ZFHX3: variants seen among roughly 807,000 people sequenced by gnomAD.
ZFHX3 encodes the protein zinc finger homeobox 3.
A neutral mutation model predicts 279.1 loss-of-function variants in ZFHX3; 42 were observed. The observed-to-expected ratio is 0.15, with a 90% CI of 0.12 to 0.19. The LOEUF is 0.19. ZFHX3 is among the 10% of genes least tolerant of loss of function. The probability of loss-of-function intolerance (pLI) is 1.00; values close to 1 mark genes in which losing one functional copy is unlikely to be tolerated. For missense variants in ZFHX3, 4,981 were observed against 4,754.0 expected (o/e 1.05, Z -1.40); for synonymous variants, 2,293 against 1,957.8 (o/e 1.17, Z -4.52).
intron 2 of ZFHX3, among the ~76,000 whole-genome samples, chr16:73,560,633 T>G (rs1438889149): frequency 6.6e-6 from 1 of 152,058 alleles, no homozygotes. Context: ...GCGAAGGGAG[T>G]GGCCCAGACT....
chr16:73,411,011 A>G (rs896148027), intron 3 of ZFHX3, among the ~76,000 whole-genome samples: 2 of 152,220 alleles, frequency 1.3e-5, no homozygotes, highest in Non-Finnish European at 2.9e-5. Flanking sequence ...GCTCTGATAC[A>G]TAAGATGGAT....
chr16:73,652,255 C>G (rs944242269), intron 2 of ZFHX3, among the ~76,000 whole-genome samples: 5 of 152,138 alleles, frequency 3.3e-5, no homozygotes, highest in South Asian at 2.1e-4. Flanking sequence ...TGCTACCACT[C>G]GTACCAAGGA....
In ZFHX3 at chr16:72,797,912, G is replaced by A. The variant is rs1384345604; in HGVS notation, c.4770C>T (p.Ser1590=). Residue 1590 remains serine, a synonymous_variant, in exon 9 of 10, where the codon AGC becomes AGT. Coordinates refer to ENST00000268489, the MANE Select transcript of ZFHX3 (RefSeq NM_006885.4). ...SATGQPEPTS[S]PDNKPFKCNT... ...TACACTTAAAAGGTTTGTTGTCTGG[G>A]CTGCTGGTGGGTTCTGGCTGACCGG... The A allele has an allele frequency of 6.2e-7, 1 of 1,614,212 alleles. No homozygotes were observed. The highest frequency in any genetic ancestry group is 1.3e-5 in the African/African-American group (1 of 75,066).
intron 5 of ZFHX3, among the ~76,000 whole-genome samples, chr16:72,827,420 C>T (rs1029661216): frequency 1.3e-5 from 2 of 152,072 alleles, no homozygotes; most frequent in Admixed American, 1.3e-4. Flanking sequence ...GAAAATGAGG[C>T]ACAGAAAGGT....
intron 4 of ZFHX3, among the ~76,000 whole-genome samples, chr16:73,314,293 TG>T (rs2143174892): frequency 6.6e-6 from 1 of 152,304 alleles, no homozygotes; most frequent in South Asian, 2.1e-4. Context: ...TGGCCAACCC[TG>T]CAAATTTTGG....
At chr16:73,032,795 A>G (rs11075961) in intron 1 of ZFHX3, among the ~76,000 whole-genome samples, 136,133 of 152,170 alleles carry the variant, frequency 0.89, 61,082 homozygotes, top group East Asian at 1. Context: ...ACGAGAGCGG[A>G]TGGAGGACAG....
At chr16:73,831,203 G>A (rs1960986477) in intron 1 of ZFHX3, among the ~76,000 whole-genome samples, 1 of 152,184 alleles carries the variant, frequency 6.6e-6, no homozygotes, top group East Asian at 1.9e-4. Context: ...CAAGGCTAAA[G>A]GGATTTGAAA....
intron 2 of ZFHX3, among the ~76,000 whole-genome samples, chr16:73,616,756 G>A (rs2052306943): frequency 6.6e-6 from 1 of 152,104 alleles, no homozygotes; most frequent in Non-Finnish European, 1.5e-5. Context: ...AGACACATCC[G>A]ATTTAATATT....
At chr16:73,307,103 C>T (rs1161399533) in intron 4 of ZFHX3, among the ~76,000 whole-genome samples, 1 of 152,190 alleles carries the variant, frequency 6.6e-6, no homozygotes, top group African/African-American at 2.4e-5. Flanking sequence ...TTAAGATGAT[C>T]TTTGGAGTAA....
rs111970744 is a variant in ZFHX3, at chr16:72,834,868, G to A, written c.3449-5009C>T. Among the ~76,000 whole-genome samples the A allele has an allele frequency of 6.3e-3, 962 of 152,204 alleles. 5 individuals are homozygous for A. The highest frequency in any genetic ancestry group is 0.013 in the South Asian group (62 of 4,814). On this transcript the variant is annotated intron_variant, in intron 4 of 9. Coordinates refer to ENST00000268489, the MANE Select transcript of ZFHX3 (RefSeq NM_006885.4). ...GGGGGCCAAGTGACGTGTCCACGGC[G>A]GGTATTCTACGAATCACTTATAAGC...
chr16:73,484,509 G>A (rs1242925660), intron 2 of ZFHX3, among the ~76,000 whole-genome samples: 2 of 152,192 alleles, frequency 1.3e-5, no homozygotes, highest in East Asian at 3.9e-4. Flanking sequence ...CATATCAGAT[G>A]ACGCTATGAT....
chr16:73,799,874 A>G (rs1960093851), intron 1 of ZFHX3, among the ~76,000 whole-genome samples: 1 of 152,140 alleles, frequency 6.6e-6, no homozygotes, highest in Non-Finnish European at 1.5e-5. Flanking sequence ...CGCACATAGG[A>G]TGCACATAAC....
intron 1 of ZFHX3, among the ~76,000 whole-genome samples, chr16:73,875,730 A>G (rs2029925726): frequency 6.6e-6 from 1 of 152,184 alleles, no homozygotes; most frequent in Non-Finnish European, 1.5e-5. Flanking sequence ...CAAATAACAA[A>G]AGCATGATGA....
intron 2 of ZFHX3, among the ~76,000 whole-genome samples, chr16:73,593,014 C>A (rs2052015034): frequency 1.3e-5 from 2 of 151,824 alleles, no homozygotes; most frequent in South Asian, 4.1e-4. Context: ...AATTTGAAGA[C>A]TTGGATAAAA....
At chr16:73,416,865 C>G (rs1230086288) in intron 3 of ZFHX3, among the ~76,000 whole-genome samples, 4 of 151,760 alleles carry the variant, frequency 2.6e-5, no homozygotes, top group African/African-American at 4.8e-5. Context: ...CAGAGCGAGA[C>G]TCCGTCTCAA....
chr16:73,474,986 G>A (rs1377394559), intron 2 of ZFHX3, among the ~76,000 whole-genome samples: 1 of 152,174 alleles, frequency 6.6e-6, no homozygotes, highest in Non-Finnish European at 1.5e-5. Context: ...CCTGTATGAT[G>A]AGGTCACTGG....
chr16:72,871,766 C>A (rs2038167626), intron 4 of ZFHX3, among the ~76,000 whole-genome samples: 1 of 151,822 alleles, frequency 6.6e-6, no homozygotes, highest in South Asian at 2.1e-4. Flanking sequence ...TGTGAACCAC[C>A]AAGCCTGGCC....
chr16:73,670,043 G>A (rs2052886918), intron 2 of ZFHX3, among the ~76,000 whole-genome samples: 1 of 152,162 alleles, frequency 6.6e-6, no homozygotes, highest in African/African-American at 2.4e-5. Flanking sequence ...ACACCAGGAA[G>A]GATAAAATTA....
chr16:73,361,333 C>T (rs113466828), intron 3 of ZFHX3, among the ~76,000 whole-genome samples: 2,890 of 152,330 alleles, frequency 0.019, 38 homozygotes, highest in South Asian at 0.052. Context: ...TTGGGGCTTG[C>T]CCCCTTGGAA....
Sources: allele counts gnomAD v4.1 joint callset (sites outside exome capture counted in the v4.1 genomes callset), GRCh38; gene constraint gnomAD v4.1.1; transcripts MANE v1.5; gene names NCBI Gene and HGNC (gene_info 2026-07-23, HGNC 2026-07-21).